PCNX1: variants seen among roughly 807,000 people sequenced by gnomAD.
PCNX1 encodes pecanex-like protein 1.
PCNX1 carries 78 observed loss-of-function variants against 242.2 expected under a neutral mutation model. The observed-to-expected ratio is 0.32, with a 90% CI of 0.27 to 0.39. The LOEUF (loss-of-function observed/expected upper bound fraction) is 0.39, where lower values mean the gene tolerates loss of function less well. Ranked by LOEUF, PCNX1 falls within the 10% of genes least tolerant of loss-of-function variation. PCNX1 has a pLI of 1.00. For synonymous variants in PCNX1, 1,024 were observed against 1,032.9 expected, an observed-to-expected ratio of 0.99 and a Z score of 0.17; for missense variants, 2,581 against 2,856.5, an observed-to-expected ratio of 0.90 and a Z score of 2.20.
intron 19 of PCNX1, among the ~76,000 whole-genome samples, chr14:71,037,823 A>G (rs1351687367): frequency 2.7e-5 from 4 of 149,904 alleles, no homozygotes; most frequent in African/African-American, 9.9e-5. Context: ...ACTTCAAACT[A>G]TACTACAAGG....
intron 11 of PCNX1, among the ~76,000 whole-genome samples, chr14:71,017,998 T>TC (rs2060003626): frequency 6.6e-6 from 1 of 152,212 alleles, no homozygotes. Context: ...AAAATTTAAA[T>TC]ATGTACAAAG....
At chr14:71,036,971 C>T (rs912272530) in intron 19 of PCNX1, among the ~76,000 whole-genome samples, 4 of 151,606 alleles carry the variant, frequency 2.6e-5, no homozygotes, top group South Asian at 2.1e-4. Context: ...CCTTGAGCAG[C>T]GGTTTGTAGT....
intron 29 of PCNX1, 27 bp from the exon 30 acceptor site, chr14:71,089,165 G>A: frequency 6.4e-7 from 1 of 1,567,040 alleles, no homozygotes; most frequent in Non-Finnish European, 8.7e-7. Flanking sequence ...GTCAAAACAT[G>A]TGAACTTTTA....
intron 28 of PCNX1, among the ~76,000 whole-genome samples, chr14:71,076,798 GTC>G (rs1201221711): frequency 6.6e-6 from 1 of 152,208 alleles, no homozygotes; most frequent in East Asian, 1.9e-4. Flanking sequence ...CAAATAGAAA[GTC>G]TAGACCAGTG....
At chr14:70,967,437 T>C (rs1040233603) in intron 3 of PCNX1, among the ~76,000 whole-genome samples, 3 of 152,214 alleles carry the variant, frequency 2.0e-5, no homozygotes, top group African/African-American at 7.2e-5. Flanking sequence ...GTAACTGTTA[T>C]GTTATCTTTG....
intron 16 of PCNX1, among the ~76,000 whole-genome samples, chr14:71,030,801 C>T (rs1268177403): frequency 1.3e-5 from 2 of 152,094 alleles, no homozygotes; most frequent in Admixed American, 1.3e-4. Flanking sequence ...TGCTTACGTC[C>T]AGGAATTTAT....
chr14:70,920,899 G>A (rs1254641237), intron 1 of PCNX1, among the ~76,000 whole-genome samples: 1 of 152,104 alleles, frequency 6.6e-6, no homozygotes, highest in African/African-American at 2.4e-5. Context: ...TAGGCCTTAT[G>A]GTGGGACCTT....
Position 71,089,251 on chromosome 14 carries a change from C to G in PCNX1, c.5498C>G (p.Ser1833Cys), listed in dbSNP as rs2062067748. Residue 1833 changes from serine (S) to cysteine (C), a missense_variant, in exon 30 of 36, where the codon TCT (serine) becomes TGT (cysteine). Transcript: ENST00000304743. ...HALFKGDFRI[S>C]SIRDEWIFAD... The stretch of plus-strand genomic sequence containing the variant: ...CTATTTAAAGGAGATTTCCGTATTT[C>G]TTCAATTCGAGATGAATGGATCTTT... The G allele has an allele frequency of 6.2e-7, 1 of 1,610,768 alleles. No homozygotes were observed. The highest frequency in any genetic ancestry group is 1.3e-5 in the African/African-American group (1 of 74,802).
At chr14:71,098,509 C>CGT (rs3221474) in intron 30 of PCNX1, among the ~76,000 whole-genome samples, 7,796 of 128,528 alleles carry the variant, frequency 0.061, 277 homozygotes, top group Non-Finnish European at 0.08. Flanking sequence ...TAGATGTATT[C>CGT]GTGTGTGTGT....
rs1301509600 is a variant in PCNX1 at position 70,971,424 on chromosome 14, G to A, written c.604+2314G>A. ...CTCCCAAAGTGCTGGGATTACAGGC[G>A]TGAGCCACCGCGCCCGGCCTATAGT... On this transcript the variant is annotated intron_variant, in intron 5 of 35. Transcript: ENST00000304743. Among the ~76,000 whole-genome samples, 5 of 13,382 alleles carry A rather than the reference G, an allele frequency of 3.7e-4. 2 individuals are homozygous for A. Among genetic ancestry groups the A allele is most frequent in the Non-Finnish European group, 9.3e-4 (5 of 5,390 alleles). The allele number at this position is 13,382 out of a possible 152,430, so 8.8% of individuals were successfully genotyped here.
intron 9 of PCNX1, 27 bp from the exon 10 acceptor site, chr14:71,011,465 T>G: frequency 7.7e-7 from 1 of 1,304,614 alleles, no homozygotes; most frequent in Admixed American, 1.8e-5. Context: ...CTTGACAAAC[T>G]GTTCCCTATT....
intron 30 of PCNX1, among the ~76,000 whole-genome samples, chr14:71,101,516 C>G (rs2062460436): frequency 6.6e-6 from 1 of 152,104 alleles, no homozygotes; most frequent in African/African-American, 2.4e-5. Flanking sequence ...TGAGCTGTAT[C>G]TTAACTAGGT....
In PCNX1 at chr14:71,062,179, A is replaced by G. The variant is rs1405261694; in HGVS notation, c.4852+4455A>G. Among the ~76,000 whole-genome samples, 6 of 152,310 alleles carry G rather than the reference A, an allele frequency of 3.9e-5. No homozygotes were observed. The East Asian group carries it at 7.7e-4, about 20-fold the overall frequency. ...TTCAAAGAGTGATACCTCCTCAAGA[A>G]GAGCCTCAGGCAGGTCCTTCAGGGG... On this transcript the variant is annotated intron_variant, in intron 26 of 35. Coordinates refer to ENST00000304743, the MANE Select transcript of PCNX1 (RefSeq NM_014982.3).
Position 70,977,748 on chromosome 14 carries a change from AC to A in PCNX1, c.1416del (p.Ser473LeufsTer77). ...NSGVHEAKDP[T>X]PSDEMHNQRG... Reference sequence around the variant, plus strand: ...TGGGGTTCACGAGGCCAAGGACCCCACCCCCTCTGATGAGATGCACAACCAG... The same window carrying A: ...TGGGGTTCACGAGGCCAAGGACCCCACCCCTCTGATGAGATGCACAACCAG... On this transcript the variant is annotated frameshift_variant, in exon 6 of 36. Transcript: ENST00000304743. LOFTEE classifies it high-confidence loss of function. 1 of 1,612,628 alleles carries A rather than the reference AC, an allele frequency of 6.2e-7. No homozygotes were observed. Among genetic ancestry groups the A allele is most frequent in the Non-Finnish European group, 8.5e-7 (1 of 1,179,668 alleles).
chr14:70,922,410 G>A (rs1049862011), intron 1 of PCNX1, among the ~76,000 whole-genome samples: 1 of 151,970 alleles, frequency 6.6e-6, no homozygotes, highest in African/African-American at 2.4e-5. Flanking sequence ...ACCTTTAATA[G>A]GGGAGAATTT....
chr14:70,963,621 G>T (rs887509611), intron 3 of PCNX1, among the ~76,000 whole-genome samples: 10 of 152,204 alleles, frequency 6.6e-5, no homozygotes, highest in African/African-American at 2.4e-4. Context: ...ATTTGACTCT[G>T]ATTAGCATGT....
In PCNX1 at chr14:70,988,715, T is replaced by C; in HGVS notation, c.2444+16T>C. 1.2e-6 allele frequency: 2 copies of C among 1,607,390 alleles called. No homozygotes were observed. The highest frequency in any genetic ancestry group is 1.7e-4 in the Middle Eastern group (1 of 6,034). On this transcript the variant is annotated intron_variant, in intron 7 of 35. Transcript: ENST00000304743. ...CACCCCTAAGGTATGGTATTTTCAA[T>C]TCCACCAAGTTTAGCATGCATGTAA...
chr14:71,002,028 G>A (rs1034361215), intron 8 of PCNX1, among the ~76,000 whole-genome samples: 16 of 152,170 alleles, frequency 1.1e-4, no homozygotes, highest in African/African-American at 3.9e-4. Flanking sequence ...ATAATCATGT[G>A]ACAACTTCTC....
chr14:70,947,129 G>A lies in PCNX1; in HGVS notation c.362+6G>A, dbSNP rs777757511. On this transcript the variant is annotated splice_donor_region_variant and intron_variant, in intron 2 of 35. Coordinates refer to ENST00000304743, the MANE Select transcript of PCNX1 (RefSeq NM_014982.3). ...AAAGACAGCAATGGACCGAGGTAAG[G>A]AAACCTATGTCATTGATTGATCGTA... 1.9e-5 allele frequency: 30 copies of A among 1,583,040 alleles called. No homozygotes were observed. The highest frequency in any genetic ancestry group is 1.5e-5 in the Non-Finnish European group (17 of 1,155,758).
Sources: allele counts gnomAD v4.1 joint callset (sites outside exome capture counted in the v4.1 genomes callset), GRCh38; gene constraint gnomAD v4.1.1; transcripts MANE v1.5; gene names NCBI Gene and HGNC (gene_info 2026-07-23, HGNC 2026-07-21).